The following ANKRD13D variants were observed in gnomAD, a reference collection of about 807,000 sequenced individuals.
The protein encoded by ANKRD13D is ankyrin repeat domain 13D, also known as ankyrin repeat domain-containing protein 13D.
Under a neutral mutation model 68.8 loss-of-function variants are expected in ANKRD13D, and 24 were observed. That is an observed-to-expected ratio of 0.35 (90% CI 0.25 to 0.49). ANKRD13D has a LOEUF of 0.49. Ranked by LOEUF, ANKRD13D falls within the 20% of genes least tolerant of loss-of-function variation. The pLI is 0.99. For missense variants in ANKRD13D, 735 were observed against 832.1 expected (o/e 0.88, Z 1.44); for synonymous variants, 331 against 336.1 (o/e 0.98, Z 0.16).
chr11:67,296,911 C>T (rs1269078250), intron 6 of ANKRD13D, among the ~76,000 whole-genome samples: 2 of 152,122 alleles, frequency 1.3e-5, no homozygotes, highest in African/African-American at 2.4e-5. Context: ...TGTGAACCAC[C>T]GCCCCCAGCC....
Position 67,296,937 on chromosome 11 carries a change from T to A in ANKRD13D, c.732-2121T>A, listed in dbSNP as rs1384722407. Among the ~76,000 whole-genome samples, 3 of 152,170 alleles carry A rather than the reference T, an allele frequency of 2.0e-5. No individual in the cohort carries two copies. In the East Asian group the frequency reaches 5.8e-4, roughly 29 times the overall value. ...GCCCCCAGCCAAGTCTTCTCTCTCT[T>A]TTTTTGCCCACCGTGGTCAACCTAG... On this transcript the variant is annotated intron_variant, in intron 6 of 14. Coordinates refer to ENST00000511455, the MANE Select transcript of ANKRD13D (RefSeq NM_207354.3).
chr11:67,292,502 A>G (rs1860604760), intron 6 of ANKRD13D, among the ~76,000 whole-genome samples: 1 of 152,024 alleles, frequency 6.6e-6, no homozygotes, highest in African/African-American at 2.4e-5. Flanking sequence ...TTGGCTTGTC[A>G]TTGGTGCGGC....
chr11:67,293,013 A>G (rs1860636913), intron 6 of ANKRD13D, among the ~76,000 whole-genome samples: 2 of 152,244 alleles, frequency 1.3e-5, no homozygotes, highest in East Asian at 3.8e-4. Context: ...TGGCCATTGT[A>G]TGAATATACC....
At position 67,301,938 on chromosome 11, in the gene ANKRD13D, A is replaced by T. The variant is rs1861022054; in HGVS notation, c.1604+115A>T. ...GCCCTCTGCAAGGCCACCCTCTGTC[A>T]GCAGCGCTATCTGCCACCAAAGGTG... On this transcript the variant is annotated intron_variant, in intron 14 of 14. Coordinates refer to ENST00000511455, the MANE Select transcript of ANKRD13D (RefSeq NM_207354.3). The surrounding 1 kb of genome is among the most constrained non-coding windows in gnomAD (Gnocchi z 4.5). 5.2e-6 allele frequency: 7 copies of T among 1,351,632 alleles called. 1 individual carries two copies. The South Asian group carries it at 7.3e-5, about 14-fold the overall frequency. The allele number at this position is 1,351,632 out of a possible 1,614,324, so 83.7% of individuals were successfully genotyped here.
Position 67,299,674 on chromosome 11 carries a change from G to A in ANKRD13D, c.880+63G>A. The A allele has an allele frequency of 2.6e-6, 4 of 1,538,598 alleles. No individual in the cohort carries two copies. The highest frequency in any genetic ancestry group is 2.4e-5 in the East Asian group (1 of 41,006). On this transcript the variant is annotated intron_variant, in intron 8 of 14. Coordinates refer to ENST00000511455, the MANE Select transcript of ANKRD13D (RefSeq NM_207354.3). The surrounding 1 kb of genome is among the most constrained non-coding windows in gnomAD (Gnocchi z 6.2). Reference sequence around the variant, plus strand: ...CGTGTGGTGGGGTCACCCTGGCCTGGGATTAGGGGCCAGAGTTTCCCAGGA... The same window carrying A: ...CGTGTGGTGGGGTCACCCTGGCCTGAGATTAGGGGCCAGAGTTTCCCAGGA...
chr11:67,289,944 G>A, intron 1 of ANKRD13D, 134 bp from the exon 2 acceptor site: 2 of 1,443,682 alleles, frequency 1.4e-6, no homozygotes, highest in Middle Eastern at 1.8e-4. Context: ...GGACACGCAG[G>A]CCACCCTCTG....
chr11:67,301,167 C>T lies in ANKRD13D; in HGVS notation c.1231+20C>T. On this transcript the variant is annotated intron_variant, in intron 11 of 14. Transcript: ENST00000511455. This position sits in a 1 kb window ranked among gnomAD's most constrained non-coding sequence, Gnocchi z 4.5. ...AAATTGGTGAGAGGCTGGGCACAGG[C>T]AGCGGGAGGACCTCAGGCATGGCAC... 1 of 1,610,744 alleles carries T rather than the reference C, an allele frequency of 6.2e-7. No homozygotes were observed. The highest frequency in any genetic ancestry group is 1.1e-5 in the South Asian group (1 of 90,590).
At chr11:67,296,931 C>G (rs1442097662) in intron 6 of ANKRD13D, among the ~76,000 whole-genome samples, 1 of 152,124 alleles carries the variant, frequency 6.6e-6, no homozygotes, top group African/African-American at 2.4e-5. Flanking sequence ...CAAGTCTTCT[C>G]TCTCTTTTTT....
chr11:67,299,036 G>C lies in ANKRD13D; in HGVS notation c.732-22G>C. The C allele has an allele frequency of 6.2e-7, 1 of 1,613,722 alleles. No homozygotes were observed. Among genetic ancestry groups the C allele is most frequent in the Non-Finnish European group, 8.5e-7 (1 of 1,179,718 alleles). ...GCGTGTGAGGGTGCAGGTCTCACCA[G>C]CTCCTGTTTGGTCTGTTTCAGGAAC... On this transcript the variant is annotated intron_variant, in intron 6 of 14. Transcript: ENST00000511455. The surrounding 1 kb of genome is among the most constrained non-coding windows in gnomAD (Gnocchi z 6.2).
chr11:67,293,240 G>A (rs574384079), intron 6 of ANKRD13D, among the ~76,000 whole-genome samples: 7 of 152,190 alleles, frequency 4.6e-5, no homozygotes, highest in South Asian at 4.1e-4. Flanking sequence ...TTTACCAAAC[G>A]AGCTGTACTG....
rs762319798 is a variant in ANKRD13D, at chr11:67,299,473, G to A, written c.799-57G>A. 18 of 1,425,418 alleles carry A rather than the reference G, an allele frequency of 1.3e-5. No individual in the cohort carries two copies. Among genetic ancestry groups the A allele is most frequent in the Non-Finnish European group, 1.4e-5 (15 of 1,036,462 alleles). 88.3% of individuals were successfully genotyped at this position (1,425,418 alleles called of 1,614,324 possible). A position where few individuals can be genotyped will look rare whatever the true frequency, so the allele number is the denominator to read the frequency against. On this transcript the variant is annotated intron_variant, in intron 7 of 14. Coordinates refer to ENST00000511455, the MANE Select transcript of ANKRD13D (RefSeq NM_207354.3). The surrounding 1 kb of genome is among the most constrained non-coding windows in gnomAD (Gnocchi z 6.2). ...AGGACCTGGGTTCTGCACTGGTGAG[G>A]CTGAGTGTGGGGAGCAGGCTCTGAG... is the stretch of plus-strand genomic sequence containing the variant.
At chr11:67,289,613 G>T in intron 1 of ANKRD13D, 63 bp downstream of exon 1, 2 of 1,245,312 alleles carry the variant, frequency 1.6e-6, no homozygotes, top group African/African-American at 3.4e-5. Flanking sequence ...TGTGGCCTCC[G>T]TCCTGGAGCC....
intron 6 of ANKRD13D, among the ~76,000 whole-genome samples, chr11:67,293,475 G>A (rs1235895854): frequency 1.3e-5 from 2 of 152,092 alleles, no homozygotes; most frequent in African/African-American, 4.8e-5. Flanking sequence ...TGTCTATTCA[G>A]ATCCTTTACT....
In ANKRD13D at chr11:67,299,993, G is replaced by T; in HGVS notation, c.943G>T (p.Ala315Ser). The change falls in exon 10 of 15, where the codon GCC becomes TCC. Residue 315 changes from alanine (A) to serine (S), a missense_variant and splice_region_variant. Transcript: ENST00000511455. The surrounding 1 kb of genome is among the most constrained non-coding windows in gnomAD (Gnocchi z 6.2). The stretch of plus-strand genomic sequence containing the variant: ...TGAGTCCGCCCTGGGACCCACGCAG[G>T]CCCCCGTGCAGCAGGCAGCCAGCCC... The part of the protein sequence containing the change: ...MAQQHSSHTG[A>S]PVQQAASPTN... 6.2e-7 allele frequency: 1 copy of T among 1,612,060 alleles called. No individual in the cohort carries two copies. Among genetic ancestry groups the T allele is most frequent in the Non-Finnish European group, 8.5e-7 (1 of 1,178,870 alleles).
chr11:67,290,019 C>A (rs370552873), intron 1 of ANKRD13D, 59 bp from the exon 2 acceptor site: 27 of 1,498,896 alleles, frequency 1.8e-5, no homozygotes, highest in African/African-American at 5.5e-5. Context: ...CTCGCCCTGG[C>A]AGCCTCCCTG....
chr11:67,294,277 A>G (rs1860682174), intron 6 of ANKRD13D, among the ~76,000 whole-genome samples: 1 of 152,214 alleles, frequency 6.6e-6, no homozygotes, highest in Non-Finnish European at 1.5e-5. Flanking sequence ...TAGGCAGAAT[A>G]TATGAATTCT....
rs76744563 is a variant in ANKRD13D at position 67,296,470 on chromosome 11, G to T, written c.732-2588G>T. 4.3e-3 allele frequency among the ~76,000 whole-genome samples: 649 copies of T among 152,086 alleles called. 37 individuals carry two copies. The East Asian group carries it at 0.11, about 25-fold the overall frequency. ...ATTCTCAAATTAGTTTTGGTAGTTT[G>T]TGTCTCACTAGGAATTTGTCCATTT... On this transcript the variant is annotated intron_variant, in intron 6 of 14. Transcript: ENST00000511455.
At position 67,290,090 on chromosome 11, in the gene ANKRD13D, CAGG is replaced by C; in HGVS notation, c.108_110del (p.Glu36del). On this transcript the variant is annotated inframe_deletion, in exon 2 of 15. Transcript: ENST00000511455. ...CCGTCTCCCCCAGCACGACATTGAA[CAGG>C]AGGACCCCCGCGGGCGGACCCCACT... 6.5e-7 allele frequency: 1 copy of C among 1,537,078 alleles called. No homozygotes were observed.
chr11:67,297,195 A>T (rs1396523644), intron 6 of ANKRD13D, among the ~76,000 whole-genome samples: 1 of 152,124 alleles, frequency 6.6e-6, no homozygotes, highest in Non-Finnish European at 1.5e-5. Context: ...CACATATTAC[A>T]TTTATACTTC....
Sources: gnomAD v4.1 joint callset for allele counts (sites outside exome capture counted in the v4.1 genomes callset) on GRCh38, gnomAD v4.1.1 for gene constraint, Gnocchi (gnomAD v3.1) non-coding constraint, MANE v1.5 for transcripts, NCBI Gene and HGNC (gene_info 2026-07-23, HGNC 2026-07-21) for gene names.